Variants in FBXL5 observed in about 807,000 individuals in gnomAD.
FBXL5 encodes the protein F-box and leucine rich repeat protein 5.
In FBXL5, 26 loss-of-function variants were observed where a neutral mutation model predicts 78.3. That is an observed-to-expected ratio of 0.33 (90% CI 0.24 to 0.46). The LOEUF is 0.46. FBXL5 is among the 20% of genes least tolerant of loss of function. The pLI is 1.00. For missense variants in FBXL5, 710 were observed against 829.2 expected, an observed-to-expected ratio of 0.86 and a Z score of 1.77; for synonymous variants, 295 against 282.5, an observed-to-expected ratio of 1.04 and a Z score of -0.45.
chr4:15,630,426 C>T (rs1052617820), intron 6 of FBXL5, among the ~76,000 whole-genome samples: 13 of 152,100 alleles, frequency 8.5e-5, no homozygotes, highest in African/African-American at 2.4e-4. Context: ...AAAAAAGGTA[C>T]CATTTTCTGA....
chr4:15,647,682 A>G (rs916006903), intron 1 of FBXL5, among the ~76,000 whole-genome samples: 5 of 152,200 alleles, frequency 3.3e-5, no homozygotes, highest in Non-Finnish European at 7.3e-5. Flanking sequence ...GAGACTCTAA[A>G]TTACAGGTAG....
chr4:15,627,071 T>C, intron 7 of FBXL5, 116 bp from the exon 8 acceptor site: 1 of 458,430 alleles, frequency 2.2e-6, no homozygotes, highest in Non-Finnish European at 4.0e-6. Context: ...TAAAAAAAAA[T>C]CACTTGAATA....
At chr4:15,635,113 C>A (rs951008340) in intron 5 of FBXL5, among the ~76,000 whole-genome samples, 1 of 152,102 alleles carries the variant, frequency 6.6e-6, no homozygotes, top group African/African-American at 2.4e-5. Flanking sequence ...GGGTGGATCA[C>A]CTGAGGTCAG....
intron 1 of FBXL5, among the ~76,000 whole-genome samples, chr4:15,646,935 GA>G (rs1427060908): frequency 5.3e-5 from 8 of 151,942 alleles, no homozygotes; most frequent in African/African-American, 1.9e-4. Context: ...ACTGTGGATT[GA>G]AAAAGGCTGG....
chr4:15,672,057 A>C (rs1170857429), intron 1 of FBXL5, among the ~76,000 whole-genome samples: 2 of 152,088 alleles, frequency 1.3e-5, no homozygotes, highest in African/African-American at 4.8e-5. Context: ...TAGGTGCTGG[A>C]TGTTTTTGTA....
chr4:15,659,177 G>C (rs1717181118), upstream of FBXL5, among the ~76,000 whole-genome samples: 1 of 152,156 alleles, frequency 6.6e-6, no homozygotes, highest in African/African-American at 2.4e-5. Context: ...TTAAGTACCT[G>C]ACATTATGTA....
At chr4:15,649,233 A>G (rs1715669607) in intron 1 of FBXL5, among the ~76,000 whole-genome samples, 1 of 152,170 alleles carries the variant, frequency 6.6e-6, no homozygotes, top group Admixed American at 6.5e-5. Context: ...CTCCACATGA[A>G]AAGTGCAAAC....
chr4:15,625,767 G>A lies in FBXL5; in HGVS notation c.1335C>T (p.Ala445=). 6.2e-7 allele frequency: 1 copy of A among 1,614,150 alleles called. No homozygotes were observed. Among genetic ancestry groups the A allele is most frequent in the Non-Finnish European group, 8.5e-7 (1 of 1,180,004 alleles). Reference sequence around the variant, plus strand: ...CCTTGTTAGTTAAATCGTGCAAACAGGCATACTGCTTGGTGGACTGCATGG... The same window carrying A: ...CCTTGTTAGTTAAATCGTGCAAACAAGCATACTGCTTGGTGGACTGCATGG... The part of the protein sequence containing the change: ...DITMQSTKQY[A]CLHDLTNKGI... The change falls in exon 9 of 11, where the codon GCC becomes GCT. Residue 445 remains alanine (A), a synonymous_variant. Transcript: ENST00000341285.
At chr4:15,638,741 G>A (rs1477136290) in intron 3 of FBXL5, 47 bp from the exon 4 acceptor site, 2 of 1,201,040 alleles carry the variant, frequency 1.7e-6, no homozygotes, top group East Asian at 4.7e-5. Context: ...CATTCGTGTT[G>A]ATTTACTCTA....
intron 5 of FBXL5, among the ~76,000 whole-genome samples, chr4:15,632,541 C>T (rs1367705031): frequency 6.6e-6 from 1 of 152,168 alleles, no homozygotes; most frequent in Admixed American, 6.5e-5. Context: ...TCTTCCTATC[C>T]ATGAGCATGG....
At chr4:15,633,977 A>C (rs2148608529) in intron 5 of FBXL5, among the ~76,000 whole-genome samples, 1 of 152,228 alleles carries the variant, frequency 6.6e-6, no homozygotes, top group Admixed American at 6.5e-5. Flanking sequence ...TGGGCTGGGT[A>C]ACTGTTTTTG....
chr4:15,612,145 C>G (rs1268787198), intron 10 of FBXL5, 121 bp downstream of exon 10: 2 of 748,592 alleles, frequency 2.7e-6, no homozygotes, highest in Non-Finnish European at 4.0e-6. Flanking sequence ...TTAACTAAAT[C>G]TGAAAGTAAG....
At chr4:15,624,521 T>C (rs1434276054) in intron 9 of FBXL5, among the ~76,000 whole-genome samples, 2 of 150,922 alleles carry the variant, frequency 1.3e-5, no homozygotes, top group East Asian at 1.9e-4. Flanking sequence ...ATAAAACATA[T>C]AGAACCTAGC....
intron 3 of FBXL5, among the ~76,000 whole-genome samples, chr4:15,640,081 C>T (rs1714693177): frequency 6.6e-6 from 1 of 152,100 alleles, no homozygotes; most frequent in Admixed American, 6.6e-5. Flanking sequence ...TGCTCTGTCA[C>T]CCAGGCTGAA....
intron 2 of FBXL5, among the ~76,000 whole-genome samples, chr4:15,642,663 C>T (rs1211475583): frequency 6.6e-6 from 1 of 152,198 alleles, no homozygotes; most frequent in East Asian, 1.9e-4. Context: ...TACGACTTTA[C>T]ACATTTTCCC....
intron 1 of FBXL5, among the ~76,000 whole-genome samples, chr4:15,679,787 T>G (rs988682926): frequency 6.6e-6 from 1 of 151,784 alleles, no homozygotes; most frequent in Non-Finnish European, 1.5e-5. Flanking sequence ...AAGCAGTATG[T>G]CTCATTCTCT....
At chr4:15,637,457 T>C (rs1714401143) in intron 4 of FBXL5, among the ~76,000 whole-genome samples, 2 of 152,368 alleles carry the variant, frequency 1.3e-5, no homozygotes, top group Non-Finnish European at 2.9e-5. Flanking sequence ...GTACTTTATA[T>C]ATCTGATTTG....
chr4:15,668,080 A>G (rs931550728), intron 1 of FBXL5, among the ~76,000 whole-genome samples: 1 of 152,004 alleles, frequency 6.6e-6, no homozygotes, highest in Non-Finnish European at 1.5e-5. Flanking sequence ...TTAACTATCA[A>G]CTTAATCGAA....
chr4:15,615,984 C>T (rs1013942503), intron 9 of FBXL5, among the ~76,000 whole-genome samples: 65 of 152,200 alleles, frequency 4.3e-4, no homozygotes, highest in African/African-American at 1.3e-3. Context: ...GTAACACTCA[C>T]CGCGAAGATC....
Sources: allele counts gnomAD v4.1 joint callset (sites outside exome capture counted in the v4.1 genomes callset), GRCh38; gene constraint gnomAD v4.1.1; transcripts MANE v1.5; gene names NCBI Gene and HGNC (gene_info 2026-07-23, HGNC 2026-07-21).